Variants in ZBTB34 observed in about 807,000 individuals in gnomAD.
ZBTB34 encodes the protein zinc finger and BTB domain-containing protein 34.
Under a neutral mutation model 33.4 loss-of-function variants are expected in ZBTB34, and 1 was observed. The ratio of observed to expected loss-of-function variants is 0.03; its 90% CI spans 0.01 to 0.14. The LOEUF (loss-of-function observed/expected upper bound fraction) is 0.14, where lower values mean the gene tolerates loss of function less well. Among genes scored for constraint, ZBTB34 ranks in the 10% least tolerant of loss-of-function variants. The probability of loss-of-function intolerance (pLI) is 1.00; values close to 1 mark genes in which losing one functional copy is unlikely to be tolerated. For missense variants in ZBTB34, 406 were observed against 657.2 expected, an observed-to-expected ratio of 0.62 and a Z score of 4.18; for synonymous variants, 283 against 253.5, an observed-to-expected ratio of 1.12 and a Z score of -1.11.
chr9:126,864,367 C>T (rs922682625), intron 1 of ZBTB34, among the ~76,000 whole-genome samples: 1 of 152,108 alleles, frequency 6.6e-6, no homozygotes, highest in African/African-American at 2.4e-5. Context: ...TAGTCCTTGT[C>T]ATTGCTAGTA....
rs2033425454 is a variant in ZBTB34 at position 126,880,563 on chromosome 9, A to G, written c.1164A>G (p.Lys388=). The change falls in exon 2 of 2, where the codon AAA becomes AAG. Residue 388 remains lysine (K), a synonymous_variant. Coordinates refer to ENST00000319119, the Ensembl canonical transcript of ZBTB34. The surrounding 1 kb of genome is among the most constrained non-coding windows in gnomAD (Gnocchi z 6.7). ...ACTGTGGAAAGTCCTTCAACCAGAA[A>G]GGAAGCCTTGATAGGCACATGCGAC... The G allele has an allele frequency of 2.5e-6, 4 of 1,613,920 alleles. No homozygotes were observed. The highest frequency in any genetic ancestry group is 3.4e-6 in the Non-Finnish European group (4 of 1,179,906).
At chr9:126,860,833 T>G (rs1171811836) in intron 1 of ZBTB34, 94 bp downstream of exon 1, 1 of 144,680 alleles carries the variant, frequency 6.9e-6, no homozygotes, top group Non-Finnish European at 1.5e-5. Flanking sequence ...CGGGCCGCTG[T>G]CCGGCTCCCT....
intron 1 of ZBTB34, among the ~76,000 whole-genome samples, chr9:126,862,765 G>C (rs1275353247): frequency 6.6e-6 from 1 of 151,572 alleles, no homozygotes; most frequent in African/African-American, 2.4e-5. Context: ...GTCCCAACTG[G>C]AGTGGGAGTT....
intron 1 of ZBTB34, among the ~76,000 whole-genome samples, chr9:126,873,557 C>T (rs1178782554): frequency 6.6e-6 from 1 of 152,094 alleles, no homozygotes; most frequent in Non-Finnish European, 1.5e-5. Context: ...AACCACCGTT[C>T]CTGGCCTCAT....
At chr9:126,868,896 A>G (rs1430203179) in intron 1 of ZBTB34, among the ~76,000 whole-genome samples, 4 of 152,298 alleles carry the variant, frequency 2.6e-5, no homozygotes, top group African/African-American at 9.6e-5. Flanking sequence ...AGAGTGAGCC[A>G]GGGTCCGGGG....
chr9:126,872,804 T>G (rs1716474978), intron 1 of ZBTB34, among the ~76,000 whole-genome samples: 1 of 152,200 alleles, frequency 6.6e-6, no homozygotes, highest in African/African-American at 2.4e-5. Flanking sequence ...TCATTGTCAC[T>G]GTGGAAAGGA....
Position 126,867,593 on chromosome 9 carries a change from A to ATCATT in ZBTB34, c.-11+6856_-11+6860dup, listed in dbSNP as rs1412114964. 2.6e-5 allele frequency among the ~76,000 whole-genome samples: 4 copies of ATCATT among 151,512 alleles called. No homozygotes were observed. In the East Asian group the frequency reaches 7.8e-4, roughly 29 times the overall value. On this transcript the variant is annotated intron_variant, in intron 1 of 1. Transcript: ENST00000319119. ...ATATGCATATATTTTTCCTCAATATATCATTTATCTTTTGGCTTTTGGCGA... is the reference window on the plus strand; with the variant it reads ...ATATGCATATATTTTTCCTCAATATATCATTTCATTTATCTTTTGGCTTTTGGCGA...
chr9:126,869,767 A>AT (rs1273284364), intron 1 of ZBTB34, among the ~76,000 whole-genome samples: 1 of 152,194 alleles, frequency 6.6e-6, no homozygotes. Context: ...AGAAAGTAAG[A>AT]TTTTGGAAGT....
chr9:126,882,632 A>C (rs1390495341), exon 2 of ZBTB34: 1 of 167,092 alleles, frequency 6.0e-6, no homozygotes, highest in African/African-American at 2.4e-5. Flanking sequence ...TCTGAGACGC[A>C]CAACCAGTGC....
At chr9:126,868,291 A>G (rs975761708) in intron 1 of ZBTB34, among the ~76,000 whole-genome samples, 1 of 152,188 alleles carries the variant, frequency 6.6e-6, no homozygotes, top group African/African-American at 2.4e-5. Context: ...GATGTCAAGC[A>G]GCATTACTTA....
intron 1 of ZBTB34, among the ~76,000 whole-genome samples, chr9:126,873,625 G>A (rs977080779): frequency 4.6e-5 from 7 of 151,832 alleles, no homozygotes; most frequent in Admixed American, 6.6e-5. Flanking sequence ...CTTTTTTTGA[G>A]ACGGAGTCTT....
Position 126,880,688 on chromosome 9 carries a change from A to G in ZBTB34, c.1289A>G (p.Lys430Arg). Residue 430 changes from lysine (K) to arginine (R), a missense_variant, in exon 2 of 2, where the codon AAA (lysine) becomes AGA (arginine). Lys to Arg is a conservative substitution (Grantham distance 26). Transcript: ENST00000319119. This position sits in a 1 kb window ranked among gnomAD's most constrained non-coding sequence, Gnocchi z 6.7. ...CACATCCGGGGCCATACAGATGATA[A>G]ACCATTCCGCTGTGAGATCTGCGGG... 4.3e-6 allele frequency: 7 copies of G among 1,613,818 alleles called. No homozygotes were observed. Among genetic ancestry groups the G allele is most frequent in the Non-Finnish European group, 5.9e-6 (7 of 1,179,894 alleles).
At chr9:126,867,665 T>G (rs953426876) in intron 1 of ZBTB34, among the ~76,000 whole-genome samples, 2 of 152,112 alleles carry the variant, frequency 1.3e-5, no homozygotes, top group African/African-American at 4.8e-5. Flanking sequence ...TCGAATGTAT[T>G]TGTCTTTGCC....
chr9:126,882,428 A>G (rs1588393348), exon 2 of ZBTB34: 1 of 167,126 alleles, frequency 6.0e-6, no homozygotes, highest in African/African-American at 2.4e-5. Flanking sequence ...GTCCATTTGA[A>G]TAATGTTTTA....
intron 1 of ZBTB34, chr9:126,863,583 G>A (rs1383417904): frequency 2.2e-6 from 1 of 454,536 alleles, no homozygotes; most frequent in African/African-American, 2.1e-5. Flanking sequence ...TCTATTTAAT[G>A]TTTTGTAGCT....
intron 1 of ZBTB34, among the ~76,000 whole-genome samples, chr9:126,872,995 T>C (rs965837510): frequency 7.2e-5 from 11 of 152,218 alleles, no homozygotes; most frequent in Non-Finnish European, 1.5e-5. Context: ...GGAAGCCTCA[T>C]TGGGAAGCCG....
intron 1 of ZBTB34, among the ~76,000 whole-genome samples, chr9:126,874,166 C>T (rs1398777432): frequency 2.0e-5 from 3 of 150,178 alleles, no homozygotes; most frequent in African/African-American, 4.9e-5. Flanking sequence ...CTCAGCCTCC[C>T]GAGTAGCTGG....
intron 1 of ZBTB34, among the ~76,000 whole-genome samples, chr9:126,871,897 CT>C (rs2033284642): frequency 6.6e-6 from 1 of 151,948 alleles, no homozygotes; most frequent in Admixed American, 6.6e-5. Context: ...GGGAGGATCC[CT>C]TGAGGCCAAG....
rs2033364168 is a variant in ZBTB34 at position 126,876,369 on chromosome 9, T to TA, written c.-10-3020dup. Among the ~76,000 whole-genome samples the TA allele has an allele frequency of 2.7e-5, 4 of 150,372 alleles. No homozygotes were observed. The South Asian group carries it at 8.5e-4, about 32-fold the overall frequency. ...TGTTTCTAGCCTATTATTTTTGCCT[T>TA]ACGCTGAAAGGGCATTTAACTTTTT... On this transcript the variant is annotated intron_variant, in intron 1 of 1. Coordinates refer to ENST00000319119, the Ensembl canonical transcript of ZBTB34.
Sources: gnomAD v4.1 joint callset for allele counts (sites outside exome capture counted in the v4.1 genomes callset) on GRCh38, gnomAD v4.1.1 for gene constraint, Gnocchi (gnomAD v3.1) non-coding constraint, MANE v1.5 for transcripts, NCBI Gene and HGNC (gene_info 2026-07-23, HGNC 2026-07-21) for gene names.